INPP5B: variants seen among roughly 807,000 people sequenced by gnomAD.
The protein encoded by INPP5B is inositol polyphosphate-5-phosphatase B.
Under a neutral mutation model 118.5 loss-of-function variants are expected in INPP5B, and 90 were observed. The ratio of observed to expected loss-of-function variants is 0.76; its 90% CI spans 0.64 to 0.90. The LOEUF (loss-of-function observed/expected upper bound fraction) is 0.90, where lower values mean the gene tolerates loss of function less well. INPP5B is among the 40% of genes least tolerant of loss of function. The probability of loss-of-function intolerance (pLI) is 0.00; values close to 1 mark genes in which losing one functional copy is unlikely to be tolerated. For synonymous variants in INPP5B, 385 were observed against 418.9 expected, an observed-to-expected ratio of 0.92 and a Z score of 0.99; for missense variants, 984 against 1,125.6, an observed-to-expected ratio of 0.87 and a Z score of 1.80.
chr1:37,885,659 G>T lies in INPP5B; in HGVS notation c.1298C>A (p.Pro433His), dbSNP rs766289270. ...QFCQPDPSLP[P>H]LTISNHDVIL... is the part of the protein sequence containing the mutation. ...TCACTCATGGTTGCTGATGGTGAGAGGGGGAAGGCTTGGGTCAGGCTGACA... is the reference window on the plus strand; with the variant it reads ...TCACTCATGGTTGCTGATGGTGAGATGGGGAAGGCTTGGGTCAGGCTGACA... The change falls in exon 13 of 24, where the codon CCT (proline) becomes CAT (histidine). Residue 433 changes from proline (P) to histidine (H), a missense_variant. Transcript: ENST00000373024. 2 of 1,613,880 alleles carry T rather than the reference G, an allele frequency of 1.2e-6. No homozygotes were observed. The highest frequency in any genetic ancestry group is 1.7e-6 in the Non-Finnish European group (2 of 1,179,978).
intron 10 of INPP5B, among the ~76,000 whole-genome samples, chr1:37,887,889 A>C (rs1393318047): frequency 6.6e-6 from 1 of 151,890 alleles, no homozygotes; most frequent in African/African-American, 2.4e-5. Context: ...AACTGATGGG[A>C]CTTTCTTCAG....
At position 37,878,959 on chromosome 1, in the gene INPP5B, T is replaced by A. The variant is rs978000904; in HGVS notation, c.1542-636A>T. Among the ~76,000 whole-genome samples the A allele has an allele frequency of 4.7e-5, 7 of 147,444 alleles. No homozygotes were observed. In the South Asian group the frequency reaches 1.6e-3, roughly 35 times the overall value. ...GCCACCGCACCCAGCCTATGGTCTT[T>A]AAAAGATCTTGGTTAAGGCCAGGCA... On this transcript the variant is annotated intron_variant, in intron 15 of 23. Coordinates refer to ENST00000373024, the MANE Select transcript of INPP5B (RefSeq NM_005540.3).
chr1:37,904,153 T>C (rs896726100), intron 7 of INPP5B, among the ~76,000 whole-genome samples: 1 of 151,918 alleles, frequency 6.6e-6, no homozygotes, highest in Non-Finnish European at 1.5e-5. Flanking sequence ...GATGAAACCC[T>C]GTCTCTACTA....
At chr1:37,915,132 T>C (rs978433231) in intron 7 of INPP5B, among the ~76,000 whole-genome samples, 1 of 152,226 alleles carries the variant, frequency 6.6e-6, no homozygotes, top group Non-Finnish European at 1.5e-5. Flanking sequence ...AACTCTCACA[T>C]GCCTCACTAA....
Position 37,860,990 on chromosome 1 carries a change from A to G in INPP5B, c.*1325T>C, listed in dbSNP as rs1569908064. 6.6e-6 allele frequency: 1 copy of G among 152,158 alleles called. No homozygotes were observed. The highest frequency in any genetic ancestry group is 2.4e-5 in the African/African-American group (1 of 41,430). 9.4% of individuals were successfully genotyped at this position (152,158 alleles called of 1,614,324 possible). A position where few individuals can be genotyped will look rare whatever the true frequency, so the allele number is the denominator to read the frequency against. On this transcript the variant is annotated 3_prime_UTR_variant, in exon 24 of 24. Coordinates refer to ENST00000373024, the MANE Select transcript of INPP5B (RefSeq NM_005540.3). ...CAGGCATGCATCACCACACCCAGCT[A>G]ATTTTTTAAAAATGTTTTTGTAGAG...
intron 19 of INPP5B, chr1:37,870,767 G>C (rs1642365235): frequency 6.6e-6 from 1 of 152,200 alleles, no homozygotes; most frequent in African/African-American, 2.4e-5. Context: ...CAGTCTATGG[G>C]ATACTGTTAA....
chr1:37,931,227 G>A (rs1231203800), intron 7 of INPP5B: 8 of 353,172 alleles, frequency 2.3e-5, no homozygotes, highest in Middle Eastern at 1.0e-3. Flanking sequence ...TCATCACAGG[G>A]GCTGAGAACT....
chr1:37,863,801 T>C (rs1405067845), intron 23 of INPP5B, among the ~76,000 whole-genome samples: 1 of 150,478 alleles, frequency 6.6e-6, no homozygotes, highest in Non-Finnish European at 1.5e-5. Context: ...AGATGTTATA[T>C]GGTACATGAC....
intron 7 of INPP5B, among the ~76,000 whole-genome samples, chr1:37,896,567 CCCGGCCAGCCG>C (rs1557664607): frequency 6.9e-6 from 1 of 144,438 alleles, no homozygotes; most frequent in African/African-American, 2.6e-5. Flanking sequence ...AGCCCCTCTG[CCCGGCCAGCCG>C]CTCCGTCCGG....
intron 19 of INPP5B, among the ~76,000 whole-genome samples, chr1:37,871,961 G>A (rs1642469963): frequency 6.6e-6 from 1 of 150,650 alleles, no homozygotes; most frequent in Non-Finnish European, 1.5e-5. Context: ...CTACTAGGGT[G>A]GCAGAGGCAG....
At chr1:37,900,135 G>A (rs1247798555) in intron 7 of INPP5B, among the ~76,000 whole-genome samples, 7 of 144,544 alleles carry the variant, frequency 4.8e-5, no homozygotes, top group Non-Finnish European at 8.9e-5. Context: ...AGGCTAGAGT[G>A]CAGTGGGGCA....
chr1:37,931,296 C>A (rs370043636), intron 7 of INPP5B: 3 of 572,724 alleles, frequency 5.2e-6, no homozygotes, highest in South Asian at 1.9e-5. Context: ...GTAGGCAGGG[C>A]ACCACTCCCC....
At chr1:37,893,453 A>G (rs1643907303) in intron 7 of INPP5B, among the ~76,000 whole-genome samples, 1 of 152,114 alleles carries the variant, frequency 6.6e-6, no homozygotes, top group Non-Finnish European at 1.5e-5. Flanking sequence ...ACTAAGGCTA[A>G]AAACTAAGAC....
At chr1:37,917,596 T>C (rs1644918678) in intron 7 of INPP5B, among the ~76,000 whole-genome samples, 1 of 151,584 alleles carries the variant, frequency 6.6e-6, no homozygotes, top group South Asian at 2.1e-4. Flanking sequence ...AGTGCTGGGA[T>C]TACAGGCATG....
At chr1:37,939,463 T>C (rs1393410335) in intron 6 of INPP5B, among the ~76,000 whole-genome samples, 2 of 150,368 alleles carry the variant, frequency 1.3e-5, no homozygotes, top group East Asian at 3.9e-4. Context: ...TTTTTTTTTT[T>C]GAGATGGAGT....
chr1:37,873,309 C>T, intron 18 of INPP5B, 144 bp from the exon 19 acceptor site: 2 of 634,316 alleles, frequency 3.2e-6, no homozygotes, highest in Non-Finnish European at 5.6e-6. Context: ...TCCAAATGTG[C>T]TTGGCATGCA....
chr1:37,890,574 G>T (rs897898655), intron 8 of INPP5B, among the ~76,000 whole-genome samples: 1 of 152,084 alleles, frequency 6.6e-6, no homozygotes, highest in African/African-American at 2.4e-5. Flanking sequence ...TTCAGTAGGG[G>T]GCACTGGAGT....
intron 7 of INPP5B, among the ~76,000 whole-genome samples, chr1:37,896,719 G>T (rs1644102915): frequency 2.2e-5 from 3 of 137,946 alleles, no homozygotes; most frequent in Non-Finnish European, 4.9e-5. Flanking sequence ...CGTCCGGGAG[G>T]GAGGTGGGGG....
intron 5 of INPP5B, among the ~76,000 whole-genome samples, chr1:37,941,724 G>A (rs1211024586): frequency 2.7e-5 from 4 of 148,880 alleles, no homozygotes; most frequent in African/African-American, 9.9e-5. Context: ...GGATCACGAG[G>A]TCAGGAGATC....
Sources: gnomAD v4.1 joint callset for allele counts (sites outside exome capture counted in the v4.1 genomes callset) on GRCh38, gnomAD v4.1.1 for gene constraint, MANE v1.5 for transcripts, NCBI Gene and HGNC (gene_info 2026-07-23, HGNC 2026-07-21) for gene names.